Variants in SLC6A20 observed in about 807,000 individuals in gnomAD.
The protein encoded by SLC6A20 is solute carrier family 6 member 20.
Under a neutral mutation model 64.3 loss-of-function variants are expected in SLC6A20, and 73 were observed. That is an observed-to-expected ratio of 1.14 (90% CI 0.94 to 1.38). SLC6A20 has a LOEUF of 1.38. Among genes scored for constraint, SLC6A20 ranks in the 40% most tolerant of loss-of-function variants. SLC6A20 has a pLI of 0.00. For missense variants in SLC6A20, 725 were observed against 772.8 expected (o/e 0.94, Z 0.73); for synonymous variants, 347 against 329.6 (o/e 1.05, Z -0.57).
chr3:45,758,771 G>A lies in SLC6A20; in HGVS notation c.*207C>T, dbSNP rs1335554410. The A allele has an allele frequency of 3.0e-6, 4 of 1,331,002 alleles. No homozygotes were observed. Among genetic ancestry groups the A allele is most frequent in the East Asian group, 5.9e-5 (2 of 33,680 alleles). 82.4% of individuals were successfully genotyped at this position (1,331,002 alleles called of 1,614,324 possible). On this transcript the variant is annotated 3_prime_UTR_variant, in exon 11 of 11. Transcript: ENST00000358525. Reference sequence around the variant, plus strand: ...AGCCCACCCCCTTCCATGATGAGGAGGCAGGTGACAGGGAGGAACAGCCAC... The same window carrying A: ...AGCCCACCCCCTTCCATGATGAGGAAGCAGGTGACAGGGAGGAACAGCCAC...
intron 1 of SLC6A20, among the ~76,000 whole-genome samples, chr3:45,794,290 G>T (rs889786941): frequency 6.6e-6 from 1 of 152,198 alleles, no homozygotes; most frequent in African/African-American, 2.4e-5. Context: ...GGCAGGAAAT[G>T]AGGTGGAAAT....
At position 45,756,505 on chromosome 3, in the gene SLC6A20, A is replaced by G. The variant is rs1019231084; in HGVS notation, c.*2473T>C. Reference sequence around the variant, plus strand: ...AAGTCAAATGTATGATAACTGGACAATCAGGTGAAGCTGGAAGATGAGATG... The same window carrying G: ...AAGTCAAATGTATGATAACTGGACAGTCAGGTGAAGCTGGAAGATGAGATG... On this transcript the variant is annotated 3_prime_UTR_variant, in exon 11 of 11. Transcript: ENST00000358525. 2.0e-5 allele frequency: 3 copies of G among 152,234 alleles called. No individual in the cohort carries two copies. Among genetic ancestry groups the G allele is most frequent in the East Asian group, 3.8e-4 (2 of 5,204 alleles). 9.4% of individuals were successfully genotyped at this position (152,234 alleles called of 1,614,324 possible).
Position 45,759,043 on chromosome 3 carries a change from G to A in SLC6A20, c.1714C>T (p.Leu572=), listed in dbSNP as rs1438834489. The A allele has an allele frequency of 6.2e-7, 1 of 1,612,500 alleles. No individual in the cohort carries two copies. The highest frequency in any genetic ancestry group is 1.7e-5 in the Admixed American group (1 of 59,846). Residue 572 remains leucine (L), a synonymous_variant, in exon 11 of 11, where the codon CTG becomes TTG. Transcript: ENST00000358525. ...TGAACAAAAGTCCCCAGGGCCGCCA[G>A]GGGGATGCACATGGTGGAGGAGGCC... is the stretch of plus-strand genomic sequence containing the variant. ...LVASSTMCIP[L]AALGTFVQRR... is the part of the protein sequence containing the mutation.
chr3:45,762,291 T>A lies in SLC6A20; in HGVS notation c.1463+622A>T, dbSNP rs577186287. 2.8e-4 allele frequency among the ~76,000 whole-genome samples: 43 copies of A among 152,324 alleles called. 1 individual carries two copies. The highest frequency in any genetic ancestry group is 1.0e-3 in the African/African-American group (42 of 41,576). Reference sequence around the variant, plus strand: ...CTCATCTGGGAACCTGCTAGAAATGTGAATTCTTGGCCCTCCCCTGGCCTG... The same window carrying A: ...CTCATCTGGGAACCTGCTAGAAATGAGAATTCTTGGCCCTCCCCTGGCCTG... On this transcript the variant is annotated intron_variant, in intron 9 of 10. Coordinates refer to ENST00000358525, the MANE Select transcript of SLC6A20 (RefSeq NM_020208.4).
chr3:45,783,337 G>A (rs2125653341), intron 1 of SLC6A20, among the ~76,000 whole-genome samples: 1 of 152,362 alleles, frequency 6.6e-6, no homozygotes, highest in East Asian at 1.9e-4. Flanking sequence ...ATCCTCAGTT[G>A]TTAAGGTAAA....
At chr3:45,795,956 C>T (rs1700337614) in intron 1 of SLC6A20, among the ~76,000 whole-genome samples, 2 of 152,260 alleles carry the variant, frequency 1.3e-5, no homozygotes, top group Admixed American at 1.3e-4. Flanking sequence ...GTAAGGTTTA[C>T]TCACTAAGAC....
At chr3:45,794,496 T>G (rs1443470298) in intron 1 of SLC6A20, among the ~76,000 whole-genome samples, 1 of 152,162 alleles carries the variant, frequency 6.6e-6, no homozygotes, top group African/African-American at 2.4e-5. Flanking sequence ...CATCTATCTA[T>G]CCACCCATCC....
rs542546529 is a variant in SLC6A20 at position 45,779,973 on chromosome 3, T to A, written c.354+36A>T. ...CCCTGTTTTTCTCTCCCTTTCTCGC[T>A]CCTACTCCTGTTCTGGCACGGGCCC... On this transcript the variant is annotated intron_variant, in intron 3 of 10. Coordinates refer to ENST00000358525, the MANE Select transcript of SLC6A20 (RefSeq NM_020208.4). The A allele has an allele frequency of 1.6e-5, 25 of 1,565,088 alleles. No individual in the cohort carries two copies. The South Asian group carries it at 2.9e-4, about 18-fold the overall frequency.
chr3:45,765,668 C>T lies in SLC6A20; in HGVS notation c.1172G>A (p.Trp391Ter). 1 of 1,614,224 alleles carries T rather than the reference C, an allele frequency of 6.2e-7. No homozygotes were observed. The highest frequency in any genetic ancestry group is 1.1e-5 in the South Asian group (1 of 91,080). The stretch of plus-strand genomic sequence containing the variant: ...CAGCATGAAGAAGTAGAGCACCGAC[C>T]ACAGCTGGGACACCTCCATGTTTTT... ...AIKNMEVSQL[W>*]SVLYFFMLLM... Residue 391 changes from tryptophan to a stop codon, truncating the protein, a stop_gained, in exon 8 of 11, where the codon TGG becomes TAG. Coordinates refer to ENST00000358525, the MANE Select transcript of SLC6A20 (RefSeq NM_020208.4). LOFTEE classifies it high-confidence loss of function. This position sits in a 1 kb window ranked among gnomAD's most constrained non-coding sequence, Gnocchi z 4.2.
chr3:45,776,545 C>G (rs1699972003), intron 3 of SLC6A20, among the ~76,000 whole-genome samples: 1 of 152,162 alleles, frequency 6.6e-6, no homozygotes, highest in Admixed American at 6.5e-5. Context: ...TCAGGTATAG[C>G]TTGACTCTAG....
chr3:45,779,839 C>T (rs1273711559), intron 3 of SLC6A20, among the ~76,000 whole-genome samples, 170 bp downstream of exon 3: 3 of 152,238 alleles, frequency 2.0e-5, no homozygotes, highest in African/African-American at 7.2e-5. Context: ...GTTCAGAAGC[C>T]CTTCACGTGG....
intron 7 of SLC6A20, among the ~76,000 whole-genome samples, chr3:45,768,991 G>A (rs753825679): frequency 1.7e-4 from 26 of 152,104 alleles, no homozygotes; most frequent in Non-Finnish European, 3.4e-4. Context: ...AGATATGATA[G>A]TTTACATAGA....
chr3:45,762,396 G>A (rs1699699653), intron 9 of SLC6A20, among the ~76,000 whole-genome samples: 1 of 152,240 alleles, frequency 6.6e-6, no homozygotes, highest in Non-Finnish European at 1.5e-5. Context: ...CGAGTTTGAA[G>A]GTTGCTCTAG....
At chr3:45,776,974 T>C (rs1699979189) in intron 3 of SLC6A20, among the ~76,000 whole-genome samples, 1 of 152,040 alleles carries the variant, frequency 6.6e-6, no homozygotes, top group Non-Finnish European at 1.5e-5. Flanking sequence ...CGAGGCCAAG[T>C]GGTAAACAGT....
In SLC6A20 at chr3:45,758,471, AG is replaced by A; in HGVS notation, c.*506del. The A allele has an allele frequency of 8.0e-7, 1 of 1,243,790 alleles. No individual in the cohort carries two copies. The highest frequency in any genetic ancestry group is 1.0e-6 in the Non-Finnish European group (1 of 969,736). 77.0% of individuals were successfully genotyped at this position (1,243,790 alleles called of 1,614,324 possible). A position where few individuals can be genotyped will look rare whatever the true frequency, so the allele number is the denominator to read the frequency against. On this transcript the variant is annotated 3_prime_UTR_variant, in exon 11 of 11. Coordinates refer to ENST00000358525, the MANE Select transcript of SLC6A20 (RefSeq NM_020208.4). ...GTCATCCTAAGATTTAAAGGGTGGA[AG>A]GGGAACACAGAAATTGCATATTCAC... is the stretch of plus-strand genomic sequence containing the variant.
At chr3:45,793,707 T>C (rs910318327) in intron 1 of SLC6A20, among the ~76,000 whole-genome samples, 2 of 152,160 alleles carry the variant, frequency 1.3e-5, no homozygotes, top group African/African-American at 4.8e-5. Context: ...CCTGGCTCTG[T>C]GGTTTATAAA....
Position 45,758,323 on chromosome 3 carries a change from G to T in SLC6A20, c.*655C>A. The T allele has an allele frequency of 2.7e-6, 2 of 737,746 alleles. No homozygotes were observed. Among genetic ancestry groups the T allele is most frequent in the Admixed American group, 2.7e-5 (1 of 36,414 alleles). The allele number at this position is 737,746 out of a possible 1,614,324, so 45.7% of individuals were successfully genotyped here. ...TGCACAGACTTCTAATGTGGTTTGGGGTTGCAAACTGTAGTTGGGGCAATT... is the reference window on the plus strand; with the variant it reads ...TGCACAGACTTCTAATGTGGTTTGGTGTTGCAAACTGTAGTTGGGGCAATT... On this transcript the variant is annotated 3_prime_UTR_variant, in exon 11 of 11. Transcript: ENST00000358525.
At chr3:45,770,090 T>C in intron 7 of SLC6A20, 119 bp downstream of exon 7, 1 of 1,351,340 alleles carries the variant, frequency 7.4e-7, no homozygotes, top group South Asian at 1.4e-5. Context: ...GCAGGAAAAG[T>C]AATTCAGGAT....
chr3:45,766,153 T>C (rs1699773113), intron 7 of SLC6A20, among the ~76,000 whole-genome samples: 1 of 152,190 alleles, frequency 6.6e-6, no homozygotes, highest in African/African-American at 2.4e-5. Context: ...GGGAGACAGC[T>C]TGGTCAGCAG....
Sources: gnomAD v4.1 joint callset for allele counts (sites outside exome capture counted in the v4.1 genomes callset) on GRCh38, gnomAD v4.1.1 for gene constraint, Gnocchi (gnomAD v3.1) non-coding constraint, MANE v1.5 for transcripts, NCBI Gene and HGNC (gene_info 2026-07-23, HGNC 2026-07-21) for gene names.